Variants in TOX4 observed in about 807,000 individuals in gnomAD.
The protein encoded by TOX4 is epidermal Langerhans cell protein LCP1.
A neutral mutation model predicts 61.0 loss-of-function variants in TOX4; 12 were observed. The observed-to-expected ratio is 0.20, with a 90% confidence interval of 0.13 to 0.32. TOX4 has a LOEUF of 0.32. Ranked by LOEUF, TOX4 falls within the 10% of genes least tolerant of loss-of-function variation. TOX4 has a pLI of 1.00. For missense variants in TOX4, 499 were observed against 753.3 expected (o/e 0.66, Z 3.95); for synonymous variants, 268 against 274.8 (o/e 0.98, Z 0.24).
At chr14:21,486,770 A>C (rs185528698) in intron 2 of TOX4, among the ~76,000 whole-genome samples, 10 of 152,306 alleles carry the variant, frequency 6.6e-5, no homozygotes, top group African/African-American at 1.4e-4. Context: ...AGCCAACTGG[A>C]GTAATCCTTT....
Position 21,495,384 on chromosome 14 carries a change from G to A in TOX4, c.1797G>A (p.Lys599=). 6.2e-7 allele frequency: 1 copy of A among 1,613,206 alleles called. No homozygotes were observed. Among genetic ancestry groups the A allele is most frequent in the Non-Finnish European group, 8.5e-7 (1 of 1,179,516 alleles). The change falls in exon 8 of 9, where the codon AAG becomes AAA. Residue 599 remains lysine, a synonymous_variant. Coordinates refer to ENST00000448790, the MANE Select transcript of TOX4 (RefSeq NM_014828.4). Reference sequence around the variant, plus strand: ...ACTGCAGCAATGAGTGTGTGGTGAAGCACTGCAGGTGAGCTTACAGTTCTC... The same window carrying A: ...ACTGCAGCAATGAGTGTGTGGTGAAACACTGCAGGTGAGCTTACAGTTCTC... ...NEYCSNECVV[K]HCRDVFLAWV...
rs901713514 is a variant in TOX4 at position 21,494,297 on chromosome 14, G to A, written c.1642-932G>A. On this transcript the variant is annotated intron_variant, in intron 7 of 8. Transcript: ENST00000448790. ...CAGAAAAATTTAATTGGTTCATACC[G>A]TTATTTTTTAAAACAGACATAAATA... 3.9e-5 allele frequency among the ~76,000 whole-genome samples: 6 copies of A among 152,048 alleles called. No individual in the cohort carries two copies. The South Asian group carries it at 6.2e-4, about 16-fold the overall frequency.
At chr14:21,496,501 C>T in intron 8 of TOX4, 45 bp from the exon 9 acceptor site, 1 of 1,541,290 alleles carries the variant, frequency 6.5e-7, no homozygotes, top group South Asian at 1.1e-5. Flanking sequence ...AATTCTATTT[C>T]AGTTTGTGTA....
rs1380185484 is a variant in TOX4, at chr14:21,486,115, T to C, written c.76-1336T>C. 4.2e-4 allele frequency among the ~76,000 whole-genome samples: 44 copies of C among 104,138 alleles called. 14 individuals carry two copies. Among genetic ancestry groups the C allele is most frequent in the Middle Eastern group, 4.5e-3 (1 of 224 alleles). 68.3% of individuals were successfully genotyped at this position (104,138 alleles called of 152,430 possible). A position where few individuals can be genotyped will look rare whatever the true frequency, so the allele number is the denominator to read the frequency against. On this transcript the variant is annotated intron_variant, in intron 2 of 8. Coordinates refer to ENST00000448790, the MANE Select transcript of TOX4 (RefSeq NM_014828.4). The stretch of plus-strand genomic sequence containing the variant: ...TACTCGGGAGGCTGGGGCTGGAGGC[T>C]TGCTTGAGCCCAGGAGTTCCAGATC...
At chr14:21,493,855 T>C (rs777442865) in intron 7 of TOX4, among the ~76,000 whole-genome samples, 5 of 152,098 alleles carry the variant, frequency 3.3e-5, no homozygotes, top group African/African-American at 4.8e-5. Flanking sequence ...GTTCAAGTGA[T>C]TCTCCTGCCT....
chr14:21,495,141 T>G, intron 7 of TOX4, 88 bp from the exon 8 acceptor site: 1 of 1,458,996 alleles, frequency 6.9e-7, no homozygotes, highest in Non-Finnish European at 9.4e-7. Context: ...TACCTGTTGC[T>G]TCATTGGTTT....
chr14:21,499,164 T>A lies in TOX4; in HGVS notation c.*2558T>A. ...TAGGAAATAAAAACTAGCTGCTTTT[T>A]AAGTTACACAAGATTGCAATTCTAG... On this transcript the variant is annotated 3_prime_UTR_variant, in exon 9 of 9. Coordinates refer to ENST00000448790, the MANE Select transcript of TOX4 (RefSeq NM_014828.4). 6.3e-7 allele frequency: 1 copy of A among 1,598,522 alleles called. No individual in the cohort carries two copies. The highest frequency in any genetic ancestry group is 8.6e-7 in the Non-Finnish European group (1 of 1,165,824).
At chr14:21,480,266 C>G (rs1566478887) in intron 2 of TOX4, among the ~76,000 whole-genome samples, 1 of 152,020 alleles carries the variant, frequency 6.6e-6, no homozygotes, top group Non-Finnish European at 1.5e-5. Flanking sequence ...TGAATCTGTC[C>G]TTTGTTTTTG....
intron 5 of TOX4, 148 bp from the exon 6 acceptor site, chr14:21,492,148 T>G: frequency 1.3e-6 from 1 of 746,792 alleles, no homozygotes. Flanking sequence ...GTCTTGACTG[T>G]TAGCTTTCAG....
Position 21,499,039 on chromosome 14 carries a change from A to G in TOX4, c.*2433A>G, listed in dbSNP as rs1270364435. The G allele has an allele frequency of 3.1e-6, 5 of 1,613,778 alleles. No individual in the cohort carries two copies. The highest frequency in any genetic ancestry group is 1.3e-5 in the African/African-American group (1 of 75,046). On this transcript the variant is annotated 3_prime_UTR_variant, in exon 9 of 9. Transcript: ENST00000448790. ...GGTCACCTTACCAGTTGGGTTGCACATTGTGTGGTCGTCCAAATAACTCAA... is the reference window on the plus strand; with the variant it reads ...GGTCACCTTACCAGTTGGGTTGCACGTTGTGTGGTCGTCCAAATAACTCAA...
intron 5 of TOX4, 192 bp from the exon 6 acceptor site, chr14:21,492,104 G>C (rs1011166107): frequency 5.5e-6 from 3 of 550,232 alleles, no homozygotes; most frequent in Non-Finnish European, 9.8e-6. Flanking sequence ...TCTTTCAGAG[G>C]TATGCTCAGT....
chr14:21,479,057 C>T (rs1028294662), intron 2 of TOX4, among the ~76,000 whole-genome samples: 7 of 150,852 alleles, frequency 4.6e-5, no homozygotes, highest in Middle Eastern at 3.4e-3. Flanking sequence ...GTGATCTGCC[C>T]GCCTCAGCCT....
intron 5 of TOX4, chr14:21,492,087 T>A: frequency 2.2e-6 from 1 of 458,586 alleles, no homozygotes; most frequent in Non-Finnish European, 3.9e-6. Context: ...CTCCTGTCGA[T>A]TGGTTGTCTT....
intron 7 of TOX4, among the ~76,000 whole-genome samples, 182 bp from the exon 8 acceptor site, chr14:21,495,047 C>T (rs1429383243): frequency 6.6e-6 from 1 of 152,130 alleles, no homozygotes; most frequent in African/African-American, 2.4e-5. Flanking sequence ...TTCTGCTTGG[C>T]AAAGTTCTGA....
In TOX4 at chr14:21,497,299, T is replaced by A. The variant is rs1416426095; in HGVS notation, c.*693T>A. On this transcript the variant is annotated 3_prime_UTR_variant, in exon 9 of 9. Transcript: ENST00000448790. The stretch of plus-strand genomic sequence containing the variant: ...TCTTTAAAAGACCATAGGTCTATCA[T>A]TATTTCTTAGACATAATCTAAAGAA... 2.6e-5 allele frequency: 4 copies of A among 152,172 alleles called. No individual in the cohort carries two copies. The highest frequency in any genetic ancestry group is 9.7e-5 in the African/African-American group (4 of 41,448). 9.4% of individuals were successfully genotyped at this position (152,172 alleles called of 1,614,324 possible).
At chr14:21,489,628 GAGTGC>G (rs1891250630) in intron 5 of TOX4, among the ~76,000 whole-genome samples, 1 of 151,872 alleles carries the variant, frequency 6.6e-6, no homozygotes, top group Non-Finnish European at 1.5e-5. Context: ...ACCCAGGCTG[GAGTGC>G]AGTGCCGTGA....
intron 5 of TOX4, among the ~76,000 whole-genome samples, chr14:21,491,025 G>C (rs758622365): frequency 6.6e-6 from 1 of 152,228 alleles, no homozygotes; most frequent in African/African-American, 2.4e-5. Context: ...GGGTTTCACC[G>C]TGTTGGTCAG....
intron 2 of TOX4, 36 bp downstream of exon 2, chr14:21,477,600 C>T (rs1262881498): frequency 6.2e-7 from 1 of 1,610,834 alleles, no homozygotes. Flanking sequence ...GGGGTAGGGC[C>T]TGAGGCAGCG....
rs368558297 is a variant in TOX4, at chr14:21,492,856, C to A, written c.1240C>A (p.Gln414Lys). The A allele has an allele frequency of 2.5e-6, 4 of 1,613,340 alleles. No individual in the cohort carries two copies. The African/African-American group carries it at 5.3e-5, about 22-fold the overall frequency. Residue 414 changes from glutamine (Q) to lysine (K), a missense_variant, in exon 7 of 9, where the codon CAA becomes AAA. This residue lies in a region of TOX4 where 296 missense variants were observed against 404.7 expected (regional missense o/e 0.73). Coordinates refer to ENST00000448790, the MANE Select transcript of TOX4 (RefSeq NM_014828.4). ...CAGTACAGCTACTATCCAGCCCAGT[C>A]AACAAGCCCAGATTGTCACTCGGTC... Reference protein sequence around the residue: ...QTSTATIQPSQQAQIVTRSVL... With the variant: ...QTSTATIQPSKQAQIVTRSVL...
Sources: gnomAD v4.1 joint callset for allele counts (sites outside exome capture counted in the v4.1 genomes callset) on GRCh38, gnomAD v4.1.1 for gene constraint, gnomAD v4.1.1 regional missense constraint, MANE v1.5 for transcripts, NCBI Gene and HGNC (gene_info 2026-07-23, HGNC 2026-07-21) for gene names.